SUSD5: variants seen among roughly 807,000 people sequenced by gnomAD.
SUSD5 encodes the protein sushi domain containing 5.
SUSD5 carries 33 observed loss-of-function variants against 29.5 expected under a neutral mutation model. The observed-to-expected ratio is 1.12, with a 90% CI of 0.85 to 1.49. The LOEUF (loss-of-function observed/expected upper bound fraction) is 1.49, where lower values mean the gene tolerates loss of function less well. SUSD5 is among the 40% of genes most tolerant of loss of function. The pLI is 0.00. For missense variants in SUSD5, 776 were observed against 800.6 expected, an observed-to-expected ratio of 0.97 and a Z score of 0.37; for synonymous variants, 308 against 325.3, an observed-to-expected ratio of 0.95 and a Z score of 0.57.
intron 3 of SUSD5, among the ~76,000 whole-genome samples, chr3:33,177,422 C>T (rs1218906760): frequency 3.3e-5 from 5 of 152,200 alleles, no homozygotes; most frequent in Non-Finnish European, 5.9e-5. Context: ...TCTAGATCTA[C>T]AGATCTTGTA....
chr3:33,156,245 T>C (rs1282336714), intron 4 of SUSD5, among the ~76,000 whole-genome samples: 5 of 152,092 alleles, frequency 3.3e-5, no homozygotes, highest in Non-Finnish European at 5.9e-5. Flanking sequence ...TTCACCATGT[T>C]GGCCAGGCTG....
At chr3:33,201,163 G>A (rs533690148) in intron 3 of SUSD5, among the ~76,000 whole-genome samples, 1 of 152,300 alleles carries the variant, frequency 6.6e-6, no homozygotes, top group East Asian at 1.9e-4. Flanking sequence ...TAGCATGTAG[G>A]CAGATATCTC....
At chr3:33,192,268 T>G (rs2031909453) in intron 3 of SUSD5, among the ~76,000 whole-genome samples, 1 of 150,344 alleles carries the variant, frequency 6.7e-6, no homozygotes. Context: ...TTTTTTGTAT[T>G]TTTAGTAGAG....
chr3:33,210,300 A>G (rs1464069930), intron 2 of SUSD5, among the ~76,000 whole-genome samples: 1 of 152,174 alleles, frequency 6.6e-6, no homozygotes, highest in African/African-American at 2.4e-5. Context: ...TTCACTGTAC[A>G]GTGTACTGTG....
intron 4 of SUSD5, among the ~76,000 whole-genome samples, chr3:33,159,752 GA>G (rs2031139657): frequency 6.6e-6 from 1 of 151,988 alleles, no homozygotes; most frequent in East Asian, 1.9e-4. Flanking sequence ...TGGGCTTACT[GA>G]ATGTGAATTT....
intron 4 of SUSD5, among the ~76,000 whole-genome samples, chr3:33,154,433 G>C (rs544551727): frequency 6.6e-6 from 1 of 152,302 alleles, no homozygotes; most frequent in East Asian, 1.9e-4. Context: ...TGAGACATGA[G>C]AATCGCTTGA....
chr3:33,164,058 C>T (rs1011743480), intron 4 of SUSD5, among the ~76,000 whole-genome samples: 1 of 151,860 alleles, frequency 6.6e-6, no homozygotes, highest in African/African-American at 2.4e-5. Context: ...CCTGTAATCC[C>T]AGCTGCTCAG....
At chr3:33,190,968 A>G (rs2031878711) in intron 3 of SUSD5, among the ~76,000 whole-genome samples, 1 of 152,134 alleles carries the variant, frequency 6.6e-6, no homozygotes, top group Non-Finnish European at 1.5e-5. Context: ...GTGAATATCC[A>G]AAGTCCAGTA....
At chr3:33,213,735 C>G (rs1228332464) in intron 2 of SUSD5, among the ~76,000 whole-genome samples, 193 bp downstream of exon 2, 2 of 151,958 alleles carry the variant, frequency 1.3e-5, no homozygotes, top group Non-Finnish European at 2.9e-5. Flanking sequence ...GATTGCACCA[C>G]TGCACTCCAA....
At chr3:33,165,379 A>C (rs888991492) in intron 4 of SUSD5, among the ~76,000 whole-genome samples, 25 of 152,224 alleles carry the variant, frequency 1.6e-4, no homozygotes, top group African/African-American at 6.0e-4. Context: ...GAAAGGGAGC[A>C]CCAGGAGTGT....
chr3:33,169,833 C>T (rs1360587010), intron 4 of SUSD5, among the ~76,000 whole-genome samples: 1 of 152,212 alleles, frequency 6.6e-6, no homozygotes, highest in Non-Finnish European at 1.5e-5. Context: ...ACAAACAGAA[C>T]CGATGGAACT....
At chr3:33,172,581 A>T (rs1256333292) in intron 4 of SUSD5, among the ~76,000 whole-genome samples, 1 of 152,216 alleles carries the variant, frequency 6.6e-6, no homozygotes, top group Non-Finnish European at 1.5e-5. Context: ...CAGGTGAATG[A>T]TCAGAATTGG....
chr3:33,190,627 T>C (rs2031871752), intron 3 of SUSD5, among the ~76,000 whole-genome samples: 1 of 152,188 alleles, frequency 6.6e-6, no homozygotes, highest in South Asian at 2.1e-4. Flanking sequence ...ACTGAGGGAG[T>C]TCAGGAAATG....
chr3:33,170,903 A>T (rs56155223), intron 4 of SUSD5, among the ~76,000 whole-genome samples: 112,918 of 152,184 alleles, frequency 0.74, 42,267 homozygotes, highest in South Asian at 0.92. Flanking sequence ...AGGGCCTGAA[A>T]GGTCTCATTG....
chr3:33,164,930 T>C (rs1004598642), intron 4 of SUSD5, among the ~76,000 whole-genome samples: 1 of 151,682 alleles, frequency 6.6e-6, no homozygotes, highest in Non-Finnish European at 1.5e-5. Flanking sequence ...GTTACAACCA[T>C]TTGGGCATTA....
intron 3 of SUSD5, among the ~76,000 whole-genome samples, chr3:33,200,641 C>T (rs754696685): frequency 2.6e-5 from 4 of 152,160 alleles, no homozygotes; most frequent in Non-Finnish European, 5.9e-5. Context: ...GAAACGAGAG[C>T]TGTAGAGAAA....
chr3:33,196,035 C>T (rs2031989082), intron 3 of SUSD5, among the ~76,000 whole-genome samples: 1 of 152,148 alleles, frequency 6.6e-6, no homozygotes. Context: ...CTACCACATT[C>T]CTGAAACTTA....
intron 3 of SUSD5, among the ~76,000 whole-genome samples, chr3:33,182,458 A>C (rs926675561): frequency 6.6e-6 from 1 of 152,194 alleles, no homozygotes; most frequent in African/African-American, 2.4e-5. Flanking sequence ...ATTGGCTGTC[A>C]AGTTCAACTA....
Position 33,167,947 on chromosome 3 carries a change from T to A in SUSD5, c.598+6939A>T, listed in dbSNP as rs1488726077. On this transcript the variant is annotated intron_variant, in intron 4 of 4. Transcript: ENST00000309558. This position sits in a 1 kb window ranked among gnomAD's most constrained non-coding sequence, Gnocchi z 4.1. Reference sequence around the variant, plus strand: ...TAACACAACATGGGGCCTTCTGATTTAGACAAACAAGTCTAGGAAATGTAA... The same window carrying A: ...TAACACAACATGGGGCCTTCTGATTAAGACAAACAAGTCTAGGAAATGTAA... Among the ~76,000 whole-genome samples the A allele has an allele frequency of 6.6e-6, 1 of 152,238 alleles. No homozygotes were observed.
Sources: gnomAD v4.1 joint callset for allele counts (sites outside exome capture counted in the v4.1 genomes callset) on GRCh38, gnomAD v4.1.1 for gene constraint, Gnocchi (gnomAD v3.1) non-coding constraint, MANE v1.5 for transcripts, NCBI Gene and HGNC (gene_info 2026-07-23, HGNC 2026-07-21) for gene names.